Variants in GOSR2 observed in about 807,000 individuals in gnomAD.
GOSR2 encodes golgi SNAP receptor complex member 2.
Under a neutral mutation model 27.9 loss-of-function variants are expected in GOSR2, and 20 were observed. The ratio of observed to expected loss-of-function variants is 0.72; its 90% CI spans 0.50 to 1.04. The LOEUF (loss-of-function observed/expected upper bound fraction) is 1.04. Among genes scored for constraint, GOSR2 ranks in the 50% least tolerant of loss-of-function variants. GOSR2 has a pLI of 0.00. For synonymous variants in GOSR2, 91 were observed against 98.8 expected, an observed-to-expected ratio of 0.92 and a Z score of 0.47; for missense variants, 261 against 270.5, an observed-to-expected ratio of 0.97 and a Z score of 0.25.
At chr17:46,965,882 T>C (rs2091296556) in intron 6 of GOSR2, among the ~76,000 whole-genome samples, 1 of 151,856 alleles carries the variant, frequency 6.6e-6, no homozygotes, top group African/African-American at 2.4e-5. Context: ...CCTCTTGCCT[T>C]GGCCTCCCAA....
At chr17:46,965,795 G>GT (rs1435729100) in intron 6 of GOSR2, among the ~76,000 whole-genome samples, 32 of 146,730 alleles carry the variant, frequency 2.2e-4, no homozygotes, top group Non-Finnish European at 4.4e-4. Context: ...GCTAATTTTT[G>GT]TATTTTTTTT....
downstream of GOSR2, among the ~76,000 whole-genome samples, chr17:46,946,202 G>A (rs910001422): frequency 3.3e-5 from 5 of 150,508 alleles, no homozygotes; most frequent in African/African-American, 7.4e-5. Context: ...TTGGGAGGCC[G>A]AGGTGGGCAG....
rs2091049105 is a variant in GOSR2 at position 46,961,526 on chromosome 17, C to T, written c.584-5008C>T. On this transcript the variant is annotated intron_variant, in intron 6 of 6. Coordinates refer to the GOSR2 transcript ENST00000573224. The stretch of plus-strand genomic sequence containing the variant: ...CTCCAGCCTGGGTGACAAATTAAGA[C>T]TCTGCCTCTGTTAAAAAAAGAAGCA... 2.6e-5 allele frequency among the ~76,000 whole-genome samples: 4 copies of T among 152,238 alleles called. No homozygotes were observed. In the South Asian group the frequency reaches 8.3e-4, roughly 32 times the overall value.
At chr17:46,973,769 C>T (rs1228875104) in intron 6 of GOSR2, among the ~76,000 whole-genome samples, 1 of 152,132 alleles carries the variant, frequency 6.6e-6, no homozygotes, top group Non-Finnish European at 1.5e-5. Context: ...AGATACTACT[C>T]GGAAATCCCA....
In GOSR2 at chr17:46,938,821, AAGAG is replaced by A. The variant is rs1218141598; in HGVS notation, c.*66_*69del. On this transcript the variant is annotated 3_prime_UTR_variant, in exon 6 of 6. Coordinates refer to ENST00000640051, the MANE Select transcript of GOSR2 (RefSeq NM_004287.5). ...AGCCTGCAAGTGTGTGTGTGTGTGA[AAGAG>A]AGAGGGGGGCCCAGAGGCCGCCTTT... 10 of 1,609,784 alleles carry A rather than the reference AAGAG, an allele frequency of 6.2e-6. No individual in the cohort carries two copies. The highest frequency in any genetic ancestry group is 3.3e-5 in the Admixed American group (2 of 59,856).
chr17:46,932,232 A>G, intron 4 of GOSR2, 33 bp downstream of exon 4: 2 of 1,613,328 alleles, frequency 1.2e-6, no homozygotes, highest in Non-Finnish European at 1.7e-6. Flanking sequence ...GTCGGCCTGC[A>G]CTTGACAGAT....
At chr17:46,962,006 A>G (rs1052152617) in intron 6 of GOSR2, among the ~76,000 whole-genome samples, 1 of 152,138 alleles carries the variant, frequency 6.6e-6, no homozygotes, top group Non-Finnish European at 1.5e-5. Flanking sequence ...TAAAATGAGG[A>G]TAAGGGAGTG....
At chr17:46,970,075 A>G (rs1255252196), downstream of GOSR2, among the ~76,000 whole-genome samples, 1 of 152,194 alleles carries the variant, frequency 6.6e-6, no homozygotes, top group African/African-American at 2.4e-5. Context: ...CATCCCCAGC[A>G]TAGAGTGGTG....
At position 46,938,993 on chromosome 17, in the gene GOSR2, G is replaced by C. The variant is rs1012679747; in HGVS notation, c.*233G>C. On this transcript the variant is annotated 3_prime_UTR_variant, in exon 6 of 6. Transcript: ENST00000640051. ...GTGCTTAGGAAATGAAAGAAGTCCC[G>C]GGTCTGTCTCTCTCACTCTCGCTCT... is the stretch of plus-strand genomic sequence containing the variant. 4.3e-6 allele frequency: 6 copies of C among 1,379,574 alleles called. No individual in the cohort carries two copies. The highest frequency in any genetic ancestry group is 6.2e-5 in the East Asian group (2 of 32,280). 85.5% of individuals were successfully genotyped at this position (1,379,574 alleles called of 1,614,324 possible).
chr17:46,962,288 C>T (rs1452351092), intron 6 of GOSR2, among the ~76,000 whole-genome samples: 1 of 151,078 alleles, frequency 6.6e-6, no homozygotes, highest in Non-Finnish European at 1.5e-5. Flanking sequence ...GAGATTGCGC[C>T]ACTGCACTCC....
At position 46,947,142 on chromosome 17, in the gene GOSR2, A is replaced by G. The variant is rs921051965; in HGVS notation, c.583+8438A>G. Among the ~76,000 whole-genome samples, 20 of 152,094 alleles carry G rather than the reference A, an allele frequency of 1.3e-4. 1 individual carries two copies. Among genetic ancestry groups the G allele is most frequent in the African/African-American group, 4.6e-4 (19 of 41,410 alleles). On this transcript the variant is annotated intron_variant, in intron 6 of 6. Coordinates refer to the GOSR2 transcript ENST00000573224. ...AGGAAGGCCAGGGGACCCTGACATG[A>G]ATGTGGATGCAGGAACCCTCAGCTG...
intron 4 of GOSR2, among the ~76,000 whole-genome samples, chr17:46,934,332 G>T (rs1292136066): frequency 6.6e-6 from 1 of 152,130 alleles, no homozygotes; most frequent in Non-Finnish European, 1.5e-5. Context: ...GTGAAACCCT[G>T]TCTCTACCAA....
chr17:46,966,477 A>G (rs2091326087), intron 6 of GOSR2: 1 of 655,044 alleles, frequency 1.5e-6, no homozygotes, highest in Non-Finnish European at 2.8e-6. Flanking sequence ...CCTCCAGGGT[A>G]GTTGGAACTA....
chr17:46,924,737 A>C (rs753471989), intron 1 of GOSR2, among the ~76,000 whole-genome samples: 1 of 152,238 alleles, frequency 6.6e-6, no homozygotes, highest in Non-Finnish European at 1.5e-5. Context: ...TTCTCACATA[A>C]ACGTTATAGG....
intron 4 of GOSR2, among the ~76,000 whole-genome samples, chr17:46,933,791 T>G (rs7213526): frequency 6.6e-6 from 1 of 151,526 alleles, no homozygotes; most frequent in Non-Finnish European, 1.5e-5. Flanking sequence ...GGTGAGACAT[T>G]GTCTCTACAA....
chr17:46,958,447 G>A (rs943235247), intron 6 of GOSR2, among the ~76,000 whole-genome samples: 11 of 152,194 alleles, frequency 7.2e-5, no homozygotes, highest in African/African-American at 9.6e-5. Flanking sequence ...TTTTATTCTC[G>A]AACTGAAGGA....
intron 6 of GOSR2, chr17:46,964,234 T>A (rs1035600670): frequency 3.9e-5 from 6 of 152,240 alleles, no homozygotes; most frequent in Admixed American, 2.0e-4. Context: ...AGAGGAGGTG[T>A]GGCTTCATCA....
chr17:46,934,869 C>T (rs1275298308), intron 4 of GOSR2, among the ~76,000 whole-genome samples, 160 bp from the exon 5 acceptor site: 1 of 152,220 alleles, frequency 6.6e-6, no homozygotes, highest in Non-Finnish European at 1.5e-5. Flanking sequence ...GAGGCCACCC[C>T]AGGCCTTTGC....
At chr17:46,974,269 G>A (rs749198927) in intron 6 of GOSR2, among the ~76,000 whole-genome samples, 7 of 152,240 alleles carry the variant, frequency 4.6e-5, no homozygotes, top group East Asian at 1.9e-4. Context: ...TCTGCCATCC[G>A]TTGCTCACCC....
Sources: gnomAD v4.1 joint callset for allele counts (sites outside exome capture counted in the v4.1 genomes callset) on GRCh38, gnomAD v4.1.1 for gene constraint, MANE v1.5 for transcripts, NCBI Gene and HGNC (gene_info 2026-07-23, HGNC 2026-07-21) for gene names.